ANPEP: variants seen among roughly 807,000 people sequenced by gnomAD.
The protein encoded by ANPEP is aminopeptidase N.
ANPEP carries 70 observed loss-of-function variants against 114.6 expected under a neutral mutation model. The ratio of observed to expected loss-of-function variants is 0.61; its 90% CI spans 0.50 to 0.75. ANPEP has a LOEUF of 0.75. Ranked by LOEUF, ANPEP falls within the 30% of genes least tolerant of loss-of-function variation. The probability of loss-of-function intolerance (pLI) is 0.00; values close to 1 mark genes in which losing one functional copy is unlikely to be tolerated. For synonymous variants in ANPEP, 548 were observed against 522.3 expected (o/e 1.05, Z -0.67); for missense variants, 1,184 against 1,259.5 (o/e 0.94, Z 0.91).
chr15:89,799,551 C>T lies in ANPEP; in HGVS notation c.1828G>A (p.Asp610Asn), dbSNP rs1456553395. The T allele has an allele frequency of 3.1e-6, 5 of 1,614,050 alleles. No homozygotes were observed. The highest frequency in any genetic ancestry group is 1.3e-5 in the African/African-American group (1 of 74,918). ...YWLIDVRAQN[D>N]LFSTSGNEWV... ...TCATTGCCTGATGTGCTGAAGAGAT[C>T]GTTCTGGGCTGTGGAGAGGGACGAG... Residue 610 changes from aspartate to asparagine, a missense_variant, in exon 13 of 21, where the codon GAT (aspartate) becomes AAT (asparagine). Physicochemically the swap from Asp to Asn is conservative, Grantham distance 23 (BLOSUM62 1). Coordinates refer to ENST00000300060, the MANE Select transcript of ANPEP (RefSeq NM_001150.3). The surrounding 1 kb of genome is among the most constrained non-coding windows in gnomAD (Gnocchi z 4.2).
At chr15:89,813,610 C>T (rs1401806190) in intron 1 of ANPEP, among the ~76,000 whole-genome samples, 9 of 152,270 alleles carry the variant, frequency 5.9e-5, no homozygotes, top group African/African-American at 2.2e-4. Context: ...GGGGAGTCCA[C>T]CCTCTTCCCT....
At position 89,806,897 on chromosome 15, in the gene ANPEP, A is replaced by T; in HGVS notation, c.-223-91T>A. ...AGGGCAGGCTTCCGGCTGTAGGCCC[A>T]GTGGGCAAAGCAAGCGGCCAGGTGG... is the stretch of plus-strand genomic sequence containing the variant. On this transcript the variant is annotated intron_variant, in intron 1 of 20. Coordinates refer to ENST00000300060, the MANE Select transcript of ANPEP (RefSeq NM_001150.3). This position sits in a 1 kb window ranked among gnomAD's most constrained non-coding sequence, Gnocchi z 5.7. 57 of 313,964 alleles carry T rather than the reference A, an allele frequency of 1.8e-4. No homozygotes were observed. Among genetic ancestry groups the T allele is most frequent in the East Asian group, 3.0e-4 (5 of 16,440 alleles). The allele number at this position is 313,964 out of a possible 1,614,324, so 19.4% of individuals were successfully genotyped here.
intron 10 of ANPEP, 114 bp from the exon 11 acceptor site, chr15:89,801,721 C>G (rs1050459119): frequency 2.0e-5 from 25 of 1,256,556 alleles, no homozygotes; most frequent in Middle Eastern, 2.8e-4. Context: ...TATGGGAGGC[C>G]TGGGAAGGGC....
Position 89,806,296 on chromosome 15 carries a change from A to G in ANPEP, c.288T>C (p.Asn96=). ...CCTTAAAAACGTACAGGCCCCTGTC[A>G]TTGGGGGTGAGGTACGGTCTCAGCG... The part of the protein sequence containing the change: ...RVTLRPYLTP[N]DRGLYVFKGS... The change falls in exon 2 of 21, where the codon AAT becomes AAC. Residue 96 remains asparagine (N), a synonymous_variant. Transcript: ENST00000300060. The surrounding 1 kb of genome is among the most constrained non-coding windows in gnomAD (Gnocchi z 5.7). 6.2e-7 allele frequency: 1 copy of G among 1,614,092 alleles called. No individual in the cohort carries two copies. Among genetic ancestry groups the G allele is most frequent in the Non-Finnish European group, 8.5e-7 (1 of 1,180,002 alleles).
chr15:89,798,995 G>A (rs1298065511), intron 14 of ANPEP, among the ~76,000 whole-genome samples: 4 of 152,174 alleles, frequency 2.6e-5, no homozygotes, highest in African/African-American at 9.6e-5. Flanking sequence ...GCTTGGTGCT[G>A]TGGAGTAGAG....
At chr15:89,788,105 C>T (rs535947012) in intron 20 of ANPEP, among the ~76,000 whole-genome samples, 30 of 152,300 alleles carry the variant, frequency 2.0e-4, no homozygotes, top group African/African-American at 7.0e-4. Flanking sequence ...CACAGAGTAA[C>T]CAAATGACCC....
At chr15:89,808,474 G>A in intron 1 of ANPEP, among the ~76,000 whole-genome samples, 1 of 152,244 alleles carries the variant, frequency 6.6e-6, no homozygotes, top group East Asian at 1.9e-4. Flanking sequence ...CTGGCACACA[G>A]TAGGTCCTCA....
intron 15 of ANPEP, among the ~76,000 whole-genome samples, chr15:89,794,302 G>C (rs1968687776): frequency 6.6e-6 from 1 of 151,946 alleles, no homozygotes; most frequent in Admixed American, 6.6e-5. Flanking sequence ...TGGCCAACGT[G>C]GTGAAACCCC....
At position 89,806,452 on chromosome 15, in the gene ANPEP, G is replaced by A. The variant is rs754187657; in HGVS notation, c.132C>T (p.Ser44=). The A allele has an allele frequency of 6.2e-7, 1 of 1,614,046 alleles. No individual in the cohort carries two copies. The highest frequency in any genetic ancestry group is 2.2e-5 in the East Asian group (1 of 44,888). ...CGGACGGGGTGGTGGAGGCCACGGG[G>A]GAGCTGTTGGCGTTCTTGTTCTTCT... ...SQEKNKNANS[S]PVASTTPSAS... is the part of the protein sequence containing the mutation. Residue 44 remains serine (S), a synonymous_variant, in exon 2 of 21, where the codon TCC becomes TCT. Coordinates refer to ENST00000300060, the MANE Select transcript of ANPEP (RefSeq NM_001150.3). This position sits in a 1 kb window ranked among gnomAD's most constrained non-coding sequence, Gnocchi z 5.7.
At position 89,799,406 on chromosome 15, in the gene ANPEP, G is replaced by A. The variant is rs776467064; in HGVS notation, c.1953+20C>T. On this transcript the variant is annotated intron_variant, in intron 13 of 20. Transcript: ENST00000300060. The surrounding 1 kb of genome is among the most constrained non-coding windows in gnomAD (Gnocchi z 4.2). Reference sequence around the variant, plus strand: ...CCTGTCCTGGGGCAGGGGGCAGGGCGAGGGGTGGCAGACACTCACCGAGTG... The same window carrying A: ...CCTGTCCTGGGGCAGGGGGCAGGGCAAGGGGTGGCAGACACTCACCGAGTG... 20 of 1,614,036 alleles carry A rather than the reference G, an allele frequency of 1.2e-5. No individual in the cohort carries two copies. Among genetic ancestry groups the A allele is most frequent in the Middle Eastern group, 3.3e-4 (2 of 6,084 alleles).
chr15:89,804,648 G>T, intron 4 of ANPEP, 31 bp from the exon 5 acceptor site: 1 of 1,606,892 alleles, frequency 6.2e-7, no homozygotes, highest in Non-Finnish European at 8.5e-7. Context: ...GCAGACCAGG[G>T]GCTCCTGTTT....
In ANPEP at chr15:89,805,373, G is replaced by A. The variant is rs753057297; in HGVS notation, c.705C>T (p.Ile235=). The change falls in exon 3 of 21, where the codon ATC becomes ATT. Residue 235 remains isoleucine, a synonymous_variant. Coordinates refer to ENST00000300060, the MANE Select transcript of ANPEP (RefSeq NM_001150.3). Reference sequence around the variant, plus strand: ...TCAGGTCCTTGGGGTGGATAAGCGTGATGTTGAACTCGGCCTTCATGGCCG... The same window carrying A: ...TCAGGTCCTTGGGGTGGATAAGCGTAATGTTGAACTCGGCCTTCATGGCCG... ...DEPAMKAEFN[I]TLIHPKDLTA... 1.2e-6 allele frequency: 2 copies of A among 1,614,180 alleles called. No individual in the cohort carries two copies. The highest frequency in any genetic ancestry group is 2.2e-5 in the South Asian group (2 of 91,090).
At chr15:89,810,485 C>T (rs978824805) in intron 1 of ANPEP, among the ~76,000 whole-genome samples, 2 of 152,034 alleles carry the variant, frequency 1.3e-5, no homozygotes, top group African/African-American at 2.4e-5. Flanking sequence ...GCGGAAGAAT[C>T]GCTCGAACCC....
intron 1 of ANPEP, among the ~76,000 whole-genome samples, chr15:89,807,824 A>T (rs1894748789): frequency 6.6e-6 from 1 of 152,190 alleles, no homozygotes; most frequent in African/African-American, 2.4e-5. Flanking sequence ...CAGGAAAATT[A>T]TGTTCATTGT....
At position 89,806,543 on chromosome 15, in the gene ANPEP, A is replaced by T; in HGVS notation, c.41T>A (p.Leu14Gln). The change falls in exon 2 of 21, where the codon CTG becomes CAG. Residue 14 changes from leucine to glutamine, a missense_variant. By Grantham distance (113) the Leu-to-Gln change is moderately radical (BLOSUM62 -2). Coordinates refer to ENST00000300060, the MANE Select transcript of ANPEP (RefSeq NM_001150.3). This position sits in a 1 kb window ranked among gnomAD's most constrained non-coding sequence, Gnocchi z 5.7. ...GFYISKSLGI[L>Q]GILLGVAAVC... ...GGCTGCCACGCCCAGGAGGATCCCC[A>T]GGATGCCCAGGGACTTGGAAATATA... 2 of 1,611,968 alleles carry T rather than the reference A, an allele frequency of 1.2e-6. No homozygotes were observed. Among genetic ancestry groups the T allele is most frequent in the Non-Finnish European group, 1.7e-6 (2 of 1,178,400 alleles).
chr15:89,806,903 C>A lies in ANPEP; in HGVS notation c.-223-97G>T. 143 of 298,608 alleles carry A rather than the reference C, an allele frequency of 4.8e-4. No homozygotes were observed. Among genetic ancestry groups the A allele is most frequent in the Middle Eastern group, 1.0e-3 (1 of 970 alleles). 18.5% of individuals were successfully genotyped at this position (298,608 alleles called of 1,614,324 possible). On this transcript the variant is annotated intron_variant, in intron 1 of 20. Transcript: ENST00000300060. The surrounding 1 kb of genome is among the most constrained non-coding windows in gnomAD (Gnocchi z 5.7). ...GGCTTCCGGCTGTAGGCCCAGTGGG[C>A]AAAGCAAGCGGCCAGGTGGCATTGC...
At chr15:89,795,952 C>T (rs971068703) in intron 15 of ANPEP, among the ~76,000 whole-genome samples, 5 of 152,176 alleles carry the variant, frequency 3.3e-5, no homozygotes, top group Non-Finnish European at 7.4e-5. Context: ...CAGTGGCTCA[C>T]GCCTATAATC....
intron 18 of ANPEP, 86 bp downstream of exon 18, chr15:89,792,073 GA>G: frequency 6.8e-7 from 1 of 1,479,296 alleles, no homozygotes; most frequent in East Asian, 2.3e-5. Context: ...GGGGTCACGT[GA>G]AGGATCTGGC....
chr15:89,798,455 G>C (rs879426590), intron 14 of ANPEP, among the ~76,000 whole-genome samples: 5 of 152,094 alleles, frequency 3.3e-5, no homozygotes, highest in Non-Finnish European at 7.4e-5. Context: ...TGGTCAACAT[G>C]GTGAAACCCC....
Sources: allele counts gnomAD v4.1 joint callset (sites outside exome capture counted in the v4.1 genomes callset), GRCh38; gene constraint gnomAD v4.1.1; non-coding constraint Gnocchi (gnomAD v3.1); transcripts MANE v1.5; gene names NCBI Gene and HGNC (gene_info 2026-07-23, HGNC 2026-07-21).